Variants in ROR2 observed in about 807,000 individuals in gnomAD.
ROR2 encodes ROR family WNT receptor 2, also known as tyrosine-protein kinase transmembrane receptor ROR2.
In ROR2, 33 loss-of-function variants were observed where a neutral mutation model predicts 74.9. The ratio of observed to expected loss-of-function variants is 0.44; its 90% CI spans 0.33 to 0.59. The LOEUF (loss-of-function observed/expected upper bound fraction) is 0.59. ROR2 is among the 20% of genes least tolerant of loss of function. The probability of loss-of-function intolerance (pLI) is 0.02; values close to 1 mark genes in which losing one functional copy is unlikely to be tolerated. For missense variants in ROR2, 1,216 were observed against 1,313.8 expected (o/e 0.93, Z 1.15); for synonymous variants, 586 against 558.7 (o/e 1.05, Z -0.69).
intron 1 of ROR2, among the ~76,000 whole-genome samples, chr9:91,908,891 C>T (rs1439116220): frequency 6.8e-6 from 1 of 146,428 alleles, no homozygotes; most frequent in African/African-American, 2.5e-5. Flanking sequence ...ACACTTTGAA[C>T]AGTTAAAAAC....
intron 1 of ROR2, among the ~76,000 whole-genome samples, chr9:91,870,434 T>A (rs1829764085): frequency 6.6e-6 from 1 of 152,090 alleles, no homozygotes; most frequent in Admixed American, 6.5e-5. Context: ...GATGGCAACT[T>A]CCCCTGCAAC....
At chr9:91,749,451 C>T (rs894506125) in intron 4 of ROR2, among the ~76,000 whole-genome samples, 5 of 152,220 alleles carry the variant, frequency 3.3e-5, no homozygotes, top group African/African-American at 1.2e-4. Context: ...GGGCTCCACC[C>T]TTATGACCTT....
At chr9:91,840,569 C>T (rs1828753208) in intron 1 of ROR2, among the ~76,000 whole-genome samples, 2 of 152,236 alleles carry the variant, frequency 1.3e-5, no homozygotes, top group Admixed American at 6.5e-5. Flanking sequence ...GGATCCCCAG[C>T]TGGGGGCCTT....
intron 1 of ROR2, among the ~76,000 whole-genome samples, chr9:91,890,437 A>C (rs1830396375): frequency 6.6e-6 from 1 of 152,232 alleles, no homozygotes; most frequent in African/African-American, 2.4e-5. Context: ...AACAAACATA[A>C]GTAAGTGTTA....
intron 2 of ROR2, 128 bp downstream of exon 2, chr9:91,775,613 C>T (rs1306509228): frequency 4.8e-6 from 4 of 830,454 alleles, no homozygotes; most frequent in Non-Finnish European, 6.1e-6. Flanking sequence ...TTCCACCATA[C>T]CCACCACCAG....
intron 1 of ROR2, among the ~76,000 whole-genome samples, chr9:91,915,913 C>T (rs1048883646): frequency 3.3e-5 from 5 of 152,186 alleles, no homozygotes; most frequent in African/African-American, 1.2e-4. Context: ...CCTCACCCCG[C>T]CCAGAAATCC....
rs1003482484 is a variant in ROR2 at position 91,726,394 on chromosome 9, GA to G, written c.1386+146del. ...CACACATGTCCTGATCTAGTTTACA[GA>G]AAAAAAAAATGGCAAAATGAAGCGG... On this transcript the variant is annotated intron_variant, in intron 8 of 8. Coordinates refer to ENST00000375708, the MANE Select transcript of ROR2 (RefSeq NM_004560.4). 1.6e-3 allele frequency: 1,115 copies of G among 715,912 alleles called. 1 individual carries two copies. The highest frequency in any genetic ancestry group is 2.1e-3 in the Admixed American group (92 of 43,554). 44.3% of individuals were successfully genotyped at this position (715,912 alleles called of 1,614,324 possible). A position where few individuals can be genotyped will look rare whatever the true frequency, so the allele number is the denominator to read the frequency against.
rs116991002 is a variant in ROR2 at position 91,780,477 on chromosome 9, T to C, written c.98-4659A>G. On this transcript the variant is annotated intron_variant, in intron 1 of 8. Transcript: ENST00000375708. Reference sequence around the variant, plus strand: ...ACAGACCTCTGATGTGACATCTTGATTTATGGCATCAACAAGATAAGATTA... The same window carrying C: ...ACAGACCTCTGATGTGACATCTTGACTTATGGCATCAACAAGATAAGATTA... Among the ~76,000 whole-genome samples the C allele has an allele frequency of 1.7e-3, 254 of 152,208 alleles. 2 individuals carry two copies. Among genetic ancestry groups the C allele is most frequent in the Non-Finnish European group, 2.9e-3 (197 of 68,008 alleles).
intron 1 of ROR2, among the ~76,000 whole-genome samples, chr9:91,836,355 C>A (rs1398824846): frequency 6.6e-6 from 1 of 152,086 alleles, no homozygotes; most frequent in Non-Finnish European, 1.5e-5. Context: ...GCCTGGCCAA[C>A]ATGGTGAAAC....
At chr9:91,774,774 C>A (rs1826362642) in intron 2 of ROR2, among the ~76,000 whole-genome samples, 1 of 152,108 alleles carries the variant, frequency 6.6e-6, no homozygotes, top group Admixed American at 6.5e-5. Flanking sequence ...GAAGGAGGGC[C>A]TGGAGAAGCA....
rs1564239003 is a variant in ROR2, at chr9:91,733,999, C to T, written c.623-563G>A. On this transcript the variant is annotated intron_variant, in intron 5 of 8. Transcript: ENST00000375708. This position sits in a 1 kb window ranked among gnomAD's most constrained non-coding sequence, Gnocchi z 5.7. ...GAGAGCAGCAAAGTGGGAGGAGAGC[C>T]GCGTTACAACTCTGGAAGGTTCTGT... is the stretch of plus-strand genomic sequence containing the variant. 2.0e-5 allele frequency among the ~76,000 whole-genome samples: 3 copies of T among 152,268 alleles called. No individual in the cohort carries two copies. Among genetic ancestry groups the T allele is most frequent in the Admixed American group, 6.5e-5 (1 of 15,300 alleles).
intron 4 of ROR2, among the ~76,000 whole-genome samples, chr9:91,749,545 G>A (rs569678600): frequency 6.6e-6 from 1 of 152,204 alleles, no homozygotes; most frequent in African/African-American, 2.4e-5. Context: ...ACACATTTCA[G>A]TCCATAGCAG....
intron 1 of ROR2, among the ~76,000 whole-genome samples, chr9:91,778,305 G>A (rs1056408437): frequency 6.6e-6 from 1 of 152,248 alleles, no homozygotes; most frequent in East Asian, 1.9e-4. Flanking sequence ...GAATGACTTT[G>A]TGACAACCTC....
chr9:91,730,870 A>G (rs769614376), intron 7 of ROR2, 40 bp downstream of exon 7: 3 of 1,613,446 alleles, frequency 1.9e-6, no homozygotes, highest in Admixed American at 1.7e-5. Flanking sequence ...AGGTTCACTC[A>G]ACAATCAACA....
intron 1 of ROR2, among the ~76,000 whole-genome samples, chr9:91,786,936 G>C (rs1826822445): frequency 6.6e-6 from 1 of 152,180 alleles, no homozygotes; most frequent in Admixed American, 6.5e-5. Context: ...AAGGGAAGAG[G>C]TTGTATGCAT....
chr9:91,873,168 A>G (rs185097004), intron 1 of ROR2, among the ~76,000 whole-genome samples: 26 of 149,572 alleles, frequency 1.7e-4, no homozygotes, highest in African/African-American at 6.5e-4. Context: ...CTCCCCTGTC[A>G]TTCTTGAACT....
intron 1 of ROR2, among the ~76,000 whole-genome samples, chr9:91,901,565 C>T (rs1830676786): frequency 6.6e-6 from 1 of 152,098 alleles, no homozygotes; most frequent in Non-Finnish European, 1.5e-5. Context: ...CCTGTAATCC[C>T]AGCACTTCGG....
chr9:91,773,237 G>A (rs947917832), intron 2 of ROR2, among the ~76,000 whole-genome samples: 1 of 152,202 alleles, frequency 6.6e-6, no homozygotes, highest in Non-Finnish European at 1.5e-5. Context: ...ATTTTCCCAA[G>A]GAAATATCAG....
chr9:91,884,318 T>A (rs1193593578), intron 1 of ROR2, among the ~76,000 whole-genome samples: 1 of 151,904 alleles, frequency 6.6e-6, no homozygotes, highest in Non-Finnish European at 1.5e-5. Context: ...GCATTTTAGA[T>A]CTCAACCAGC....
Sources: gnomAD v4.1 joint callset for allele counts (sites outside exome capture counted in the v4.1 genomes callset) on GRCh38, gnomAD v4.1.1 for gene constraint, Gnocchi (gnomAD v3.1) non-coding constraint, MANE v1.5 for transcripts, NCBI Gene and HGNC (gene_info 2026-07-23, HGNC 2026-07-21) for gene names.